MYH16: variants seen among roughly 807,000 people sequenced by gnomAD.
The protein encoded by MYH16 is myosin heavy chain 16, also known as putative uncharacterized protein MYH16.
At chr7:99,245,739 G>A (rs1392399861) in intron 2 of MYH16, among the ~76,000 whole-genome samples, 6 of 152,024 alleles carry the variant, frequency 3.9e-5, no homozygotes, top group East Asian at 1.9e-4. Flanking sequence ...TGTTGGTCAC[G>A]CTGGTCTCGA....
At chr7:99,286,005 T>C (rs1792271593) in intron 27 of MYH16, among the ~76,000 whole-genome samples, 1 of 152,238 alleles carries the variant, frequency 6.6e-6, no homozygotes, top group African/African-American at 2.4e-5. Context: ...ACTAAGCCTG[T>C]GGGATGACAG....
At chr7:99,269,315 G>A (rs1430321039) in intron 18 of MYH16, among the ~76,000 whole-genome samples, 9 of 146,268 alleles carry the variant, frequency 6.2e-5, no homozygotes, top group Admixed American at 1.4e-4. Context: ...TTGCTCTGTC[G>A]CCCAGGCTGG....
At chr7:99,273,145 C>T (rs538437419) in intron 19 of MYH16, among the ~76,000 whole-genome samples, 68 bp downstream of exon 1, 3 of 152,164 alleles carry the variant, frequency 2.0e-5, no homozygotes, top group East Asian at 1.9e-4. Flanking sequence ...GCTCCCTTAT[C>T]GTGCTGCTAA....
intron 36 of MYH16, among the ~76,000 whole-genome samples, chr7:99,299,043 A>G (rs1792547957): frequency 6.6e-6 from 1 of 151,632 alleles, no homozygotes; most frequent in South Asian, 2.1e-4. Context: ...CCTGGGCAAC[A>G]TAGCAAAACC....
chr7:99,267,253 TTTTG>T lies in MYH16; in HGVS notation n.2266+284_2266+287del, dbSNP rs1791996965. On this transcript the variant is annotated intron_variant and non_coding_transcript_variant, in intron 18 of 41. Transcript: ENST00000439784. ...TCTTAGAACCCTACGTTTTGTTTTG[TTTTG>T]TTTGAGACAGGGTCTTCCTGGAGTG... Among the ~76,000 whole-genome samples, 5 of 152,302 alleles carry T rather than the reference TTTTG, an allele frequency of 3.3e-5. No homozygotes were observed. In the South Asian group the frequency reaches 1.0e-3, roughly 32 times the overall value.
rs373126981 is a variant in MYH16, at chr7:99,282,083, C to T, written n.2992+1103C>T. Among the ~76,000 whole-genome samples the T allele has an allele frequency of 5.9e-4, 89 of 151,890 alleles. 1 individual carries two copies. The highest frequency in any genetic ancestry group is 2.9e-3 in the South Asian group (14 of 4,808). ...TGTCGCCCAGACTGGAGTGCAGTGG[C>T]GTGATCTCAGCTCACTGCAACCTCC... On this transcript the variant is annotated intron_variant and non_coding_transcript_variant, in intron 23 of 41. Transcript: ENST00000439784.
intron 41 of MYH16, among the ~76,000 whole-genome samples, chr7:99,306,335 C>G (rs1386640174): frequency 6.6e-6 from 1 of 152,058 alleles, no homozygotes; most frequent in East Asian, 1.9e-4. Context: ...TTGAGACCAG[C>G]CTGGCCAACA....
downstream of MYH16, chr7:99,310,840 G>A (rs1792750595): frequency 6.6e-6 from 1 of 152,216 alleles, no homozygotes; most frequent in Non-Finnish European, 1.5e-5. Flanking sequence ...GAAAGTGCAA[G>A]CCAGGAAGAG....
chr7:99,272,379 T>A (rs1179240541), intron 19 of MYH16, among the ~76,000 whole-genome samples: 1 of 152,102 alleles, frequency 6.6e-6, no homozygotes, highest in Non-Finnish European at 1.5e-5. Context: ...TCAGCAATTC[T>A]CACTCCACAT....
intron 11 of MYH16, chr7:99,260,107 G>T: frequency 6.8e-7 from 1 of 1,465,290 alleles, no homozygotes; most frequent in South Asian, 1.2e-5. Context: ...TTCAATCCTG[G>T]GAGAGGCTCT....
intron 36 of MYH16, among the ~76,000 whole-genome samples, 196 bp downstream of exon 17, chr7:99,298,191 G>GT: frequency 6.6e-6 from 1 of 150,580 alleles, no homozygotes; most frequent in African/African-American, 2.4e-5. Context: ...TGAACACTTT[G>GT]TTTTTTGGGT....
rs138269820 is a variant in MYH16, at chr7:99,302,545, C to T, written n.5138-520C>T. 7.7e-3 allele frequency among the ~76,000 whole-genome samples: 1,162 copies of T among 151,612 alleles called. 13 individuals carry two copies. The highest frequency in any genetic ancestry group is 0.026 in the African/African-American group (1,077 of 41,284). ...TCATGCCACTGCATTCCAGCCTAGGCGACAGAGAGAGACTCTGACTCAAAA... is the reference window on the plus strand; with the variant it reads ...TCATGCCACTGCATTCCAGCCTAGGTGACAGAGAGAGACTCTGACTCAAAA... On this transcript the variant is annotated intron_variant and non_coding_transcript_variant, in intron 38 of 41. Coordinates refer to ENST00000439784, the Ensembl canonical transcript of MYH16.
At chr7:99,269,641 T>C (rs1187130275) in intron 18 of MYH16, among the ~76,000 whole-genome samples, 1 of 152,166 alleles carries the variant, frequency 6.6e-6, no homozygotes, top group African/African-American at 2.4e-5. Flanking sequence ...GTTTTGAGCT[T>C]CATGGAAGTA....
Position 99,297,658 on chromosome 7 carries a change from A to C in MYH16, n.4500-2A>C. On this transcript the variant is annotated splice_acceptor_variant and non_coding_transcript_variant, in intron 34 of 41. Coordinates refer to ENST00000439784, the Ensembl canonical transcript of MYH16. ...TTATTAACATGAATATTTCTATCTC[A>C]GAGGAGATAAAGGATCTCATTGATC... The C allele has an allele frequency of 2.2e-6, 1 of 456,236 alleles. No homozygotes were observed. Among genetic ancestry groups the C allele is most frequent in the Middle Eastern group, 3.4e-4 (1 of 2,960 alleles). 28.3% of individuals were successfully genotyped at this position (456,236 alleles called of 1,614,324 possible). A position where few individuals can be genotyped will look rare whatever the true frequency, so the allele number is the denominator to read the frequency against.
At chr7:99,286,033 C>T (rs1229752338) in intron 27 of MYH16, among the ~76,000 whole-genome samples, 1 of 152,240 alleles carries the variant, frequency 6.6e-6, no homozygotes, top group African/African-American at 2.4e-5. Context: ...ACAAGGCCCC[C>T]CAGGCATAGA....
rs543288135 is a variant in MYH16 at position 99,276,137 on chromosome 7, T to C, written n.2486-1402T>C. Among the ~76,000 whole-genome samples, 7 of 152,354 alleles carry C rather than the reference T, an allele frequency of 4.6e-5. No homozygotes were observed. The South Asian group carries it at 6.2e-4, about 14-fold the overall frequency. ...GGCTGGGTCAATGAAAAAACACTTG[T>C]AGTAGGTTTCCATTGAATAAAAAGT... On this transcript the variant is annotated intron_variant and non_coding_transcript_variant, in intron 20 of 41. Coordinates refer to ENST00000439784, the Ensembl canonical transcript of MYH16.
chr7:99,283,222 G>A (rs549156070), intron 23 of MYH16, among the ~76,000 whole-genome samples: 177 of 152,234 alleles, frequency 1.2e-3, no homozygotes, highest in African/African-American at 4.0e-3. Flanking sequence ...TCAGTCTCCT[G>A]AGTGGCTGGC....
intron 30 of MYH16, among the ~76,000 whole-genome samples, chr7:99,290,424 C>T (rs1792352722): frequency 6.9e-6 from 1 of 145,794 alleles, no homozygotes; most frequent in Non-Finnish European, 1.5e-5. Flanking sequence ...GAGTTCAAGG[C>T]TGCAATGAGT....
chr7:99,292,514 T>C lies in MYH16; in HGVS notation n.4149+6T>C, dbSNP rs140786503. On this transcript the variant is annotated splice_donor_region_variant and intron_variant and non_coding_transcript_variant, in intron 32 of 41. Coordinates refer to ENST00000439784, the Ensembl canonical transcript of MYH16. ...GAGGAGCTGGAGGAGACCAAGTGAG[T>C]GTGGTCTTCCTGTTGAGAGAGCCAG... 8.7e-6 allele frequency: 4 copies of C among 461,322 alleles called. No homozygotes were observed. The highest frequency in any genetic ancestry group is 1.7e-5 in the Non-Finnish European group (4 of 229,194). 28.6% of individuals were successfully genotyped at this position (461,322 alleles called of 1,614,324 possible). A position where few individuals can be genotyped will look rare whatever the true frequency, so the allele number is the denominator to read the frequency against.
Sources: allele counts gnomAD v4.1 joint callset (sites outside exome capture counted in the v4.1 genomes callset), GRCh38; gene constraint gnomAD v4.1.1; transcripts MANE v1.5; gene names NCBI Gene and HGNC (gene_info 2026-07-23, HGNC 2026-07-21).